DCSTAMP: variants seen among roughly 807,000 people sequenced by gnomAD.
The protein encoded by DCSTAMP is dendritic cell-specific transmembrane protein.
A neutral mutation model predicts 33.8 loss-of-function variants in DCSTAMP; 25 were observed. The observed-to-expected ratio is 0.74, with a 90% confidence interval of 0.54 to 1.03. DCSTAMP has a LOEUF of 1.03. Among genes scored for constraint, DCSTAMP ranks in the 50% least tolerant of loss-of-function variants. The pLI, the probability that DCSTAMP is intolerant of heterozygous loss-of-function variation, is 0.00. For synonymous variants in DCSTAMP, 245 were observed against 216.7 expected (o/e 1.13, Z -1.15); for missense variants, 531 against 556.8 (o/e 0.95, Z 0.47).
chr8:104,341,025 G>A (rs767244132), intron 1 of DCSTAMP, among the ~76,000 whole-genome samples: 5 of 152,236 alleles, frequency 3.3e-5, no homozygotes, highest in Non-Finnish European at 5.9e-5. Context: ...AATGGGAATT[G>A]CAGGACATCA....
At chr8:104,347,613 T>A (rs1022250949) in intron 1 of DCSTAMP, among the ~76,000 whole-genome samples, 1 of 152,194 alleles carries the variant, frequency 6.6e-6, no homozygotes, top group East Asian at 1.9e-4. Context: ...ATGGCTCACG[T>A]GTCTGTGGTC....
At position 104,356,408 on chromosome 8, in the gene DCSTAMP, C is replaced by T. The variant is rs541206525; in HGVS notation, c.*210C>T. On this transcript the variant is annotated 3_prime_UTR_variant, in exon 4 of 4. Transcript: ENST00000297581. ...GGTAAATGGTTATGTGGTCTATGTTCCAAACAAACCACATGATCTTGCCTG... is the reference window on the plus strand; with the variant it reads ...GGTAAATGGTTATGTGGTCTATGTTTCAAACAAACCACATGATCTTGCCTG... 50 of 388,726 alleles carry T rather than the reference C, an allele frequency of 1.3e-4. 1 individual carries two copies. The highest frequency in any genetic ancestry group is 3.2e-4 in the Admixed American group (7 of 21,666). 24.1% of individuals were successfully genotyped at this position (388,726 alleles called of 1,614,324 possible).
rs1810387151 is a variant in DCSTAMP, at chr8:104,348,914, T to G, written c.362T>G (p.Leu121Arg). ...VENIFHNFKG[L>R]LDGMTCNLRA... is the part of the protein sequence containing the mutation. The stretch of plus-strand genomic sequence containing the variant: ...AATATTTTTCACAACTTTAAAGGTC[T>G]CCTAGATGGTATGACTTGCAACCTA... Residue 121 changes from leucine (L) to arginine (R), a missense_variant, in exon 2 of 4, where the codon CTC becomes CGC. Coordinates refer to ENST00000297581, the MANE Select transcript of DCSTAMP (RefSeq NM_030788.4). 1 of 1,614,266 alleles carries G rather than the reference T, an allele frequency of 6.2e-7. No homozygotes were observed. Among genetic ancestry groups the G allele is most frequent in the Non-Finnish European group, 8.5e-7 (1 of 1,180,046 alleles).
rs138578884 is a variant in DCSTAMP, at chr8:104,348,731, C to T, written c.179C>T (p.Ala60Val). Residue 60 changes from alanine to valine, a missense_variant, in exon 2 of 4, where the codon GCG becomes GTG. Ala to Val is a moderately conservative substitution (Grantham distance 64). Transcript: ENST00000297581. ...AACWFLPSII[A>V]AAASWIITCV... ...TGCTGGTTTCTGCCATCAATCATAG[C>T]GGCCGCTGCCTCCTGGATTATCACG... 1.7e-5 allele frequency: 27 copies of T among 1,614,020 alleles called. No individual in the cohort carries two copies. The African/African-American group carries it at 2.0e-4, about 12-fold the overall frequency.
Position 104,349,230 on chromosome 8 carries a change from C to T in DCSTAMP, c.678C>T (p.Gly226=). 1 of 1,614,216 alleles carries T rather than the reference C, an allele frequency of 6.2e-7. No individual in the cohort carries two copies. Among genetic ancestry groups the T allele is most frequent in the South Asian group, 1.1e-5 (1 of 91,084 alleles). The stretch of plus-strand genomic sequence containing the variant: ...CAGGGCTTTCGCTCGTCCTGCTTGG[C>T]ACTGGCCTCTTCATGAAGCGATTTT... ...AFAGLSLVLL[G]TGLFMKRFLG... Residue 226 remains glycine, a synonymous_variant, in exon 2 of 4, where the codon GGC becomes GGT. Coordinates refer to ENST00000297581, the MANE Select transcript of DCSTAMP (RefSeq NM_030788.4).
chr8:104,348,044 C>A (rs1026568949), intron 1 of DCSTAMP, among the ~76,000 whole-genome samples: 6 of 152,088 alleles, frequency 3.9e-5, no homozygotes, highest in Admixed American at 3.3e-4. Flanking sequence ...ATGTAGGTGG[C>A]CTCTAAAGCT....
At position 104,348,689 on chromosome 8, in the gene DCSTAMP, T is replaced by G; in HGVS notation, c.137T>G (p.Leu46Arg). The change falls in exon 2 of 4, where the codon CTC becomes CGC. Residue 46 changes from leucine to arginine, a missense_variant. Coordinates refer to ENST00000297581, the MANE Select transcript of DCSTAMP (RefSeq NM_030788.4). ...CCLVALISVG[L>R]LSVAACWFLP... The stretch of plus-strand genomic sequence containing the variant: ...TTGGTTGCTCTTATTTCAGTGGGCC[T>G]CCTGTCTGTGGCCGCCTGCTGGTTT... 6.2e-7 allele frequency: 1 copy of G among 1,614,184 alleles called. No individual in the cohort carries two copies. The highest frequency in any genetic ancestry group is 8.5e-7 in the Non-Finnish European group (1 of 1,180,028).
chr8:104,352,239 G>A (rs941042293), intron 2 of DCSTAMP, among the ~76,000 whole-genome samples: 1 of 152,102 alleles, frequency 6.6e-6, no homozygotes, highest in Non-Finnish European at 1.5e-5. Context: ...CTAGTCCCAT[G>A]GCTCCTGCCC....
Position 104,348,677 on chromosome 8 carries a change from T to C in DCSTAMP, c.125T>C (p.Ile42Thr). 2 of 1,614,218 alleles carry C rather than the reference T, an allele frequency of 1.2e-6. No individual in the cohort carries two copies. Among genetic ancestry groups the C allele is most frequent in the Non-Finnish European group, 8.5e-7 (1 of 1,180,038 alleles). The change falls in exon 2 of 4, where the codon ATT becomes ACT. Residue 42 changes from isoleucine (I) to threonine (T), a missense_variant. By Grantham distance (89) the Ile-to-Thr change is moderately conservative. Transcript: ENST00000297581. The stretch of plus-strand genomic sequence containing the variant: ...GGAGTTTGCTGTTTGGTTGCTCTTA[T>C]TTCAGTGGGCCTCCTGTCTGTGGCC... ...HLGVCCLVAL[I>T]SVGLLSVAAC...
At position 104,348,627 on chromosome 8, in the gene DCSTAMP, A is replaced by G. The variant is rs750656011; in HGVS notation, c.75A>G (p.Gly25=). The G allele has an allele frequency of 2.5e-6, 4 of 1,614,168 alleles. No homozygotes were observed. The highest frequency in any genetic ancestry group is 2.2e-5 in the South Asian group (2 of 91,076). Residue 25 remains glycine, a synonymous_variant, in exon 2 of 4, where the codon GGA becomes GGG. Transcript: ENST00000297581. The part of the protein sequence containing the change: ...WEIYVSPRSP[G]WMDFIQHLGV... ...TTTACGTGTCTCCAAGAAGCCCCGG[A>G]TGGATGGACTTTATCCAGCATTTGG...
At chr8:104,351,475 A>G (rs1233899442) in intron 2 of DCSTAMP, among the ~76,000 whole-genome samples, 1 of 152,216 alleles carries the variant, frequency 6.6e-6, no homozygotes, top group Non-Finnish European at 1.5e-5. Context: ...AAAGAAAGCA[A>G]GTTTATTAGA....
intron 1 of DCSTAMP, 68 bp from the exon 2 acceptor site, chr8:104,348,473 A>T: frequency 2.7e-6 from 4 of 1,467,034 alleles, no homozygotes; most frequent in Non-Finnish European, 3.7e-6. Context: ...GTCTACCACC[A>T]TGGCCTTTAC....
chr8:104,356,291 T>A lies in DCSTAMP; in HGVS notation c.*93T>A, dbSNP rs748576990. The A allele has an allele frequency of 2.2e-4, 280 of 1,260,862 alleles. No homozygotes were observed. The highest frequency in any genetic ancestry group is 3.9e-4 in the Middle Eastern group (2 of 5,120). 78.1% of individuals were successfully genotyped at this position (1,260,862 alleles called of 1,614,324 possible). A position where few individuals can be genotyped will look rare whatever the true frequency, so the allele number is the denominator to read the frequency against. On this transcript the variant is annotated 3_prime_UTR_variant, in exon 4 of 4. Transcript: ENST00000297581. ...ATTCATGCCGGATAATAGAGAACTA[T>A]GTGACGCAGTCCTCTCAGGAGTCTG...
chr8:104,351,216 A>G (rs1025575941), intron 2 of DCSTAMP, among the ~76,000 whole-genome samples: 2 of 152,272 alleles, frequency 1.3e-5, no homozygotes, highest in Middle Eastern at 3.4e-3. Flanking sequence ...TTATGCTGAC[A>G]TTTCAGAGGA....
chr8:104,351,064 C>A (rs145718539), intron 2 of DCSTAMP, among the ~76,000 whole-genome samples: 1 of 152,196 alleles, frequency 6.6e-6, no homozygotes, highest in African/African-American at 2.4e-5. Context: ...TGGTGCCTCC[C>A]GCATCTTGAG....
chr8:104,348,399 A>G (rs1564065152), intron 1 of DCSTAMP, 142 bp from the exon 2 acceptor site: 3 of 785,928 alleles, frequency 3.8e-6, no homozygotes, highest in Non-Finnish European at 5.9e-6. Context: ...GAAGCTGTAA[A>G]GTCATATTTC....
Position 104,354,430 on chromosome 8 carries a change from G to A in DCSTAMP, c.1030-447G>A, listed in dbSNP as rs887994875. Among the ~76,000 whole-genome samples the A allele has an allele frequency of 1.2e-4, 18 of 152,166 alleles. No individual in the cohort carries two copies. The South Asian group carries it at 2.9e-3, about 25-fold the overall frequency. On this transcript the variant is annotated intron_variant, in intron 2 of 3. Coordinates refer to ENST00000297581, the MANE Select transcript of DCSTAMP (RefSeq NM_030788.4). Reference sequence around the variant, plus strand: ...TCTCCCTGAGTTTAGCTGACTCCCCGCTCTTTCTTTCGCCCCATGTGTGCT... The same window carrying A: ...TCTCCCTGAGTTTAGCTGACTCCCCACTCTTTCTTTCGCCCCATGTGTGCT...
At chr8:104,353,659 G>T (rs1810529078) in intron 2 of DCSTAMP, among the ~76,000 whole-genome samples, 1 of 152,234 alleles carries the variant, frequency 6.6e-6, no homozygotes, top group Admixed American at 6.5e-5. Context: ...GGAAATTATA[G>T]ATTTGATTTG....
intron 1 of DCSTAMP, among the ~76,000 whole-genome samples, chr8:104,343,991 A>G (rs2099383434): frequency 6.6e-6 from 1 of 152,242 alleles, no homozygotes; most frequent in South Asian, 2.1e-4. Flanking sequence ...AGGAAATTTT[A>G]ATTCCATTAC....
Sources: gnomAD v4.1 joint callset for allele counts (sites outside exome capture counted in the v4.1 genomes callset) on GRCh38, gnomAD v4.1.1 for gene constraint, MANE v1.5 for transcripts, NCBI Gene and HGNC (gene_info 2026-07-23, HGNC 2026-07-21) for gene names.